The following CANX variants were observed in gnomAD, a reference collection of about 807,000 sequenced individuals.
CANX encodes epididymis secretory sperm binding protein.
Under a neutral mutation model 75.7 loss-of-function variants are expected in CANX, and 14 were observed. The observed-to-expected ratio is 0.19, with a 90% CI of 0.12 to 0.29. The LOEUF (loss-of-function observed/expected upper bound fraction) is 0.29, where lower values mean the gene tolerates loss of function less well. CANX is among the 10% of genes least tolerant of loss of function. The pLI is 1.00. For synonymous variants in CANX, 227 were observed against 236.9 expected (o/e 0.96, Z 0.38); for missense variants, 567 against 713.2 (o/e 0.79, Z 2.34).
intron 8 of CANX, among the ~76,000 whole-genome samples, chr5:179,718,686 GC>G (rs1778122059): frequency 1.3e-5 from 2 of 151,932 alleles, no homozygotes; most frequent in South Asian, 2.1e-4. Flanking sequence ...GTGCCACCAC[GC>G]CCAGCTAATT....
chr5:179,706,505 G>A (rs766596099), intron 3 of CANX, among the ~76,000 whole-genome samples, 174 bp downstream of exon 3: 11 of 152,114 alleles, frequency 7.2e-5, no homozygotes, highest in African/African-American at 2.4e-4. Context: ...GTGCAATGGC[G>A]TGATACCGGC....
chr5:179,710,177 C>A (rs915119700), intron 7 of CANX, 112 bp downstream of exon 7: 5 of 641,066 alleles, frequency 7.8e-6, no homozygotes, highest in African/African-American at 3.8e-5. Flanking sequence ...AATCCCAGCA[C>A]TTTGGGAGGC....
chr5:179,703,994 A>G (rs964503955), intron 1 of CANX, among the ~76,000 whole-genome samples: 3 of 152,040 alleles, frequency 2.0e-5, no homozygotes, highest in Non-Finnish European at 4.4e-5. Flanking sequence ...GGAGAAAAGG[A>G]CATCTTGTGT....
At chr5:179,679,423 G>A (rs1775996457) in intron 1 of CANX, 4 of 631,328 alleles carry the variant, frequency 6.3e-6, no homozygotes, top group Admixed American at 6.0e-5. Context: ...TGCACAGGCA[G>A]CAGTCTCACC....
chr5:179,698,485 G>T, upstream of CANX: 1 of 1,289,328 alleles, frequency 7.8e-7, no homozygotes, highest in Non-Finnish European at 1.0e-6. Flanking sequence ...CGCGTTCGCT[G>T]CAACGGGCCC....
intron 1 of CANX, chr5:179,700,459 ATTATAC>A (rs1195624611): frequency 6.6e-6 from 1 of 152,208 alleles, no homozygotes; most frequent in African/African-American, 2.4e-5. Flanking sequence ...ATTTGGTATA[ATTATAC>A]TTAGAGCAGA....
intron 14 of CANX, among the ~76,000 whole-genome samples, chr5:179,728,289 T>C (rs990022830): frequency 2.0e-5 from 3 of 152,182 alleles, no homozygotes; most frequent in Admixed American, 6.5e-5. Context: ...GGCCAGTAGA[T>C]TGTTTGGGAT....
chr5:179,694,267 G>A (rs1776351982), upstream of CANX: 8 of 479,398 alleles, frequency 1.7e-5, no homozygotes, highest in Non-Finnish European at 3.0e-5. Flanking sequence ...CAGACATGCA[G>A]AGAAGAATGT....
At position 179,726,768 on chromosome 5, in the gene CANX, A is replaced by G. The variant is rs201118724; in HGVS notation, c.1725+9A>G. On this transcript the variant is annotated intron_variant, in intron 14 of 14. Coordinates refer to ENST00000247461, the MANE Select transcript of CANX (RefSeq NM_001746.4). ...GAAAACCTAAAGCAGAGGTAAAGGA[A>G]AGGGGTCACACATTTTGTTTTACCA... 33 of 1,592,220 alleles carry G rather than the reference A, an allele frequency of 2.1e-5. No homozygotes were observed. The highest frequency in any genetic ancestry group is 2.5e-5 in the Non-Finnish European group (29 of 1,160,408).
chr5:179,680,781 A>T, intron 1 of CANX: 1 of 982,012 alleles, frequency 1.0e-6, no homozygotes, highest in Admixed American at 2.2e-5. Context: ...GAAGAGAAAG[A>T]ACTAGAGCAG....
chr5:179,710,170 C>G, intron 7 of CANX, 105 bp downstream of exon 7: 1 of 695,416 alleles, frequency 1.4e-6, no homozygotes, highest in Non-Finnish European at 2.4e-6. Context: ...CGCCTGTAAT[C>G]CCAGCACTTT....
At chr5:179,720,693 T>A in intron 10 of CANX, 133 bp downstream of exon 10, 1 of 765,384 alleles carries the variant, frequency 1.3e-6, no homozygotes. Flanking sequence ...GTAGACTTCC[T>A]AAGTTGAAAG....
chr5:179,694,504 G>A (rs1018459364), upstream of CANX: 26 of 754,490 alleles, frequency 3.4e-5, no homozygotes, highest in Non-Finnish European at 5.3e-5. Flanking sequence ...TCGGAAATCC[G>A]CCCCAAGATC....
chr5:179,684,961 G>C (rs151092080), intron 1 of CANX, among the ~76,000 whole-genome samples: 4 of 79,926 alleles, frequency 5.0e-5, no homozygotes, highest in Admixed American at 2.9e-4. Flanking sequence ...TTTTTTACTA[G>C]AGACAGGGTT....
At position 179,722,965 on chromosome 5, in the gene CANX, T is replaced by G; in HGVS notation, c.1344T>G (p.Asp448Glu). 1 of 1,614,192 alleles carries G rather than the reference T, an allele frequency of 6.2e-7. No homozygotes were observed. Among genetic ancestry groups the G allele is most frequent in the South Asian group, 1.1e-5 (1 of 91,086 alleles). Residue 448 changes from aspartate to glutamate, a missense_variant, in exon 11 of 15, where the codon GAT becomes GAG. By Grantham distance (45) the Asp-to-Glu change is conservative. This residue lies in a region of CANX where 167 missense variants were observed against 179.3 expected (regional missense o/e 0.93). Transcript: ENST00000247461. ...TTTGTGCTGATCGAAGAATAGTTGA[T>G]GATTGGGCCAATGATGGATGGGGCC... is the stretch of plus-strand genomic sequence containing the variant. Reference protein sequence around the residue: ...FIICADRRIVDDWANDGWGLK... With the variant: ...FIICADRRIVEDWANDGWGLK...
At position 179,723,533 on chromosome 5, in the gene CANX, T is replaced by C. The variant is rs1778447314; in HGVS notation, c.1399-127T>C. The C allele has an allele frequency of 4.5e-6, 4 of 886,184 alleles. No homozygotes were observed. The Admixed American group carries it at 1.1e-4, about 24-fold the overall frequency. 54.9% of individuals were successfully genotyped at this position (886,184 alleles called of 1,614,324 possible). A position where few individuals can be genotyped will look rare whatever the true frequency, so the allele number is the denominator to read the frequency against. On this transcript the variant is annotated intron_variant, in intron 11 of 14. Coordinates refer to ENST00000247461, the MANE Select transcript of CANX (RefSeq NM_001746.4). ...TCTCTAATTTCTTTTTTACATTTTATGAGCATTTTCTCTGAAAAAGAAGGT... is the reference window on the plus strand; with the variant it reads ...TCTCTAATTTCTTTTTTACATTTTACGAGCATTTTCTCTGAAAAAGAAGGT...
chr5:179,692,684 T>A (rs1023396719), intron 1 of CANX, among the ~76,000 whole-genome samples: 1 of 151,832 alleles, frequency 6.6e-6, no homozygotes, highest in Non-Finnish European at 1.5e-5. Context: ...ATGCCACTAA[T>A]TTTTTATTTT....
upstream of CANX, among the ~76,000 whole-genome samples, chr5:179,693,954 T>C (rs970023249): frequency 6.6e-6 from 1 of 151,900 alleles, no homozygotes; most frequent in African/African-American, 2.4e-5. Flanking sequence ...AGAGAAACTT[T>C]AGAGAAATGA....
chr5:179,696,036 C>T (rs1212948927), upstream of CANX, among the ~76,000 whole-genome samples: 1 of 152,018 alleles, frequency 6.6e-6, no homozygotes, highest in East Asian at 1.9e-4. Flanking sequence ...CCTCCCACCT[C>T]GGCCTCCTGA....
Sources: gnomAD v4.1 joint callset for allele counts (sites outside exome capture counted in the v4.1 genomes callset) on GRCh38, gnomAD v4.1.1 for gene constraint, gnomAD v4.1.1 regional missense constraint, MANE v1.5 for transcripts, NCBI Gene and HGNC (gene_info 2026-07-23, HGNC 2026-07-21) for gene names.